VPS13A: variants seen among roughly 807,000 people sequenced by gnomAD.
VPS13A encodes the protein intermembrane lipid transfer protein VPS13A.
A neutral mutation model predicts 390.9 loss-of-function variants in VPS13A; 264 were observed. That is an observed-to-expected ratio of 0.68 (90% CI 0.61 to 0.75). The LOEUF is 0.75. VPS13A is among the 30% of genes least tolerant of loss of function. The pLI is 0.00. For synonymous variants in VPS13A, 1,231 were observed against 1,227.1 expected, an observed-to-expected ratio of 1.00 and a Z score of -0.07; for missense variants, 3,409 against 3,733.9, an observed-to-expected ratio of 0.91 and a Z score of 2.27.
At chr9:77,334,746 G>A (rs951011380) in intron 46 of VPS13A, among the ~76,000 whole-genome samples, 10 of 152,078 alleles carry the variant, frequency 6.6e-5, no homozygotes, top group African/African-American at 2.2e-4. Flanking sequence ...AGTGTATTAC[G>A]ATTAGTTTAA....
intron 42 of VPS13A, 147 bp downstream of exon 42, chr9:77,319,820 G>A (rs746008558): frequency 6.0e-6 from 3 of 498,998 alleles, no homozygotes; most frequent in African/African-American, 2.0e-5. Flanking sequence ...CACATGTATA[G>A]CCTCCCCCTT....
intron 71 of VPS13A, among the ~76,000 whole-genome samples, chr9:77,414,739 T>TTAATAATAA (rs148536381): frequency 0.32 from 46,320 of 145,432 alleles, 8,321 homozygotes; most frequent in East Asian, 0.55. Context: ...TGAAGTATAA[T>TTAATAATAA]TAATAATAAT....
intron 31 of VPS13A, among the ~76,000 whole-genome samples, chr9:77,289,439 A>G (rs1173186004): frequency 1.3e-5 from 2 of 151,982 alleles, no homozygotes; most frequent in East Asian, 3.9e-4. Context: ...TTGATTAATT[A>G]TCATTTATTT....
At chr9:77,187,549 T>TTG (rs1257019565) in intron 1 of VPS13A, among the ~76,000 whole-genome samples, 1 of 152,108 alleles carries the variant, frequency 6.6e-6, no homozygotes, top group Non-Finnish European at 1.5e-5. Flanking sequence ...TTTAAGTCCT[T>TTG]TGTCCATCTT....
chr9:77,238,667 C>T (rs1023195603), intron 19 of VPS13A, among the ~76,000 whole-genome samples: 2 of 152,140 alleles, frequency 1.3e-5, no homozygotes, highest in South Asian at 2.1e-4. Context: ...ACTGGCCTCT[C>T]GTTTTCCTTT....
chr9:77,351,206 A>G, intron 52 of VPS13A, 111 bp from the exon 53 acceptor site: 2 of 1,418,164 alleles, frequency 1.4e-6, no homozygotes, highest in Admixed American at 1.7e-5. Context: ...TTTAATCAGA[A>G]CGATCACAGA....
At position 77,279,621 on chromosome 9, in the gene VPS13A, C is replaced by G. The variant is rs373848144; in HGVS notation, c.2825-538C>G. Among the ~76,000 whole-genome samples, 12 of 152,150 alleles carry G rather than the reference C, an allele frequency of 7.9e-5. No individual in the cohort carries two copies. The East Asian group carries it at 1.4e-3, about 17-fold the overall frequency. ...GTGGGGCCTTTGCTGGGGAACTGCC[C>G]TCTTCTACCCAGTATTTCCCTGTCT... On this transcript the variant is annotated intron_variant, in intron 26 of 71. Coordinates refer to ENST00000360280, the MANE Select transcript of VPS13A (RefSeq NM_033305.3).
Position 77,418,687 on chromosome 9 carries a change from A to T in VPS13A, c.*2681A>T, listed in dbSNP as rs1008957825. 2.0e-5 allele frequency: 3 copies of T among 152,156 alleles called. No homozygotes were observed. The highest frequency in any genetic ancestry group is 7.2e-5 in the African/African-American group (3 of 41,450). The allele number at this position is 152,156 out of a possible 1,614,324, so 9.4% of individuals were successfully genotyped here. A position where few individuals can be genotyped will look rare whatever the true frequency, so the allele number is the denominator to read the frequency against. On this transcript the variant is annotated 3_prime_UTR_variant, in exon 72 of 72. Transcript: ENST00000360280. ...CCCCTCTCCTCCACAATCCTAGTCC[A>T]TTTGGAGGCAACTATCCTGTGGCCT...
intron 68 of VPS13A, among the ~76,000 whole-genome samples, chr9:77,402,591 G>A (rs997696826): frequency 7.3e-6 from 1 of 137,016 alleles, no homozygotes; most frequent in African/African-American, 2.8e-5. Flanking sequence ...AATTTAAAAT[G>A]GTAAATCTTA....
Position 77,370,946 on chromosome 9 carries a change from T to C in VPS13A, c.8953+11T>C. The C allele has an allele frequency of 6.2e-7, 1 of 1,614,116 alleles. No homozygotes were observed. Among genetic ancestry groups the C allele is most frequent in the South Asian group, 1.1e-5 (1 of 91,084 alleles). On this transcript the variant is annotated intron_variant, in intron 66 of 71. Transcript: ENST00000360280. ...CAAAACCAATCAAAGGCAAGTATAG[T>C]AGTTCCTTTGCAAGTCTTTCTAAGT... is the stretch of plus-strand genomic sequence containing the variant.
intron 45 of VPS13A, among the ~76,000 whole-genome samples, chr9:77,329,058 C>T (rs936175819): frequency 2.6e-5 from 4 of 152,132 alleles, no homozygotes; most frequent in African/African-American, 7.2e-5. Context: ...TTCACCATCA[C>T]GAGAACAGCA....
intron 19 of VPS13A, among the ~76,000 whole-genome samples, chr9:77,239,826 C>T (rs1824364168): frequency 6.6e-6 from 1 of 151,844 alleles, no homozygotes; most frequent in Non-Finnish European, 1.5e-5. Context: ...TTTCTTCCCC[C>T]TTCCCTACAA....
chr9:77,414,736 T>A (rs1412515652), intron 71 of VPS13A, among the ~76,000 whole-genome samples: 2 of 78,990 alleles, frequency 2.5e-5, no homozygotes, highest in African/African-American at 1.1e-4. Context: ...ACTTGAAGTA[T>A]AATTAATAAT....
At chr9:77,396,219 G>C (rs1834113853) in intron 68 of VPS13A, among the ~76,000 whole-genome samples, 1 of 152,096 alleles carries the variant, frequency 6.6e-6, no homozygotes, top group Admixed American at 6.6e-5. Context: ...CAGGCTTTTG[G>C]TTGTACCAGT....
At chr9:77,263,354 G>A (rs1432484531) in intron 23 of VPS13A, among the ~76,000 whole-genome samples, 1 of 151,944 alleles carries the variant, frequency 6.6e-6, no homozygotes, top group East Asian at 1.9e-4. Flanking sequence ...TGATCTGCCT[G>A]CCTCTGCCTC....
Position 77,317,692 on chromosome 9 carries a change from A to T in VPS13A, c.4950A>T (p.Thr1650=), listed in dbSNP as rs767739134. 4 of 1,588,420 alleles carry T rather than the reference A, an allele frequency of 2.5e-6. No homozygotes were observed. The highest frequency in any genetic ancestry group is 3.4e-6 in the Non-Finnish European group (4 of 1,165,236). The stretch of plus-strand genomic sequence containing the variant: ...TCGATATGTCAGTAAAATCCCTGAC[A>T]CTAAAGGTAAATTAAAATATAATCA... ...QVIDMSVKSL[T]LKVSPVIINT... is the part of the protein sequence containing the mutation. Residue 1650 remains threonine (T), a synonymous_variant, in exon 40 of 72, where the codon ACA becomes ACT. Coordinates refer to ENST00000360280, the MANE Select transcript of VPS13A (RefSeq NM_033305.3).
intron 39 of VPS13A, 54 bp downstream of exon 39, chr9:77,316,460 A>T: frequency 6.6e-7 from 1 of 1,516,670 alleles, no homozygotes; most frequent in Non-Finnish European, 9.1e-7. Context: ...GATGTAGTGT[A>T]TACCATTTTA....
chr9:77,411,106 A>G (rs1834897676), intron 71 of VPS13A, among the ~76,000 whole-genome samples: 1 of 152,244 alleles, frequency 6.6e-6, no homozygotes, highest in African/African-American at 2.4e-5. Context: ...CCATAGTGCA[A>G]TCAAACTAGA....
chr9:77,408,216 T>A (rs1834721080), intron 71 of VPS13A, among the ~76,000 whole-genome samples: 1 of 152,230 alleles, frequency 6.6e-6, no homozygotes, highest in Non-Finnish European at 1.5e-5. Flanking sequence ...AAATGAAGAC[T>A]ATGAATTGAC....
Sources: allele counts gnomAD v4.1 joint callset (sites outside exome capture counted in the v4.1 genomes callset), GRCh38; gene constraint gnomAD v4.1.1; transcripts MANE v1.5; gene names NCBI Gene and HGNC (gene_info 2026-07-23, HGNC 2026-07-21).